The following FMNL2 variants were observed in gnomAD, a reference collection of about 807,000 sequenced individuals.
FMNL2 encodes the protein formin-like protein 2.
In FMNL2, 51 loss-of-function variants were observed where a neutral mutation model predicts 130.2. That is an observed-to-expected ratio of 0.39 (90% confidence interval 0.31 to 0.49). The LOEUF (loss-of-function observed/expected upper bound fraction) is 0.49, where lower values mean the gene tolerates loss of function less well. Among genes scored for constraint, FMNL2 ranks in the 20% least tolerant of loss-of-function variants. The pLI, the probability that FMNL2 is intolerant of heterozygous loss-of-function variation, is 0.85. For synonymous variants in FMNL2, 465 were observed against 467.1 expected, an observed-to-expected ratio of 1.00 and a Z score of 0.06; for missense variants, 977 against 1,316.2, an observed-to-expected ratio of 0.74 and a Z score of 3.99.
Position 152,590,640 on chromosome 2 carries a change from C to G in FMNL2, c.876+9591C>G, listed in dbSNP as rs145197145. ...AAAAAAAAAAAACCTGTAGGTTCAA[C>G]TATAGCTGTTCAAATAGTTATGAAG... is the stretch of plus-strand genomic sequence containing the variant. On this transcript the variant is annotated intron_variant, in intron 9 of 25. Coordinates refer to ENST00000288670, the MANE Select transcript of FMNL2 (RefSeq NM_052905.4). Among the ~76,000 whole-genome samples, 145 of 151,650 alleles carry G rather than the reference C, an allele frequency of 9.6e-4. 1 individual carries two copies. Among genetic ancestry groups the G allele is most frequent in the African/African-American group, 3.4e-3 (139 of 41,412 alleles).
intron 20 of FMNL2, among the ~76,000 whole-genome samples, chr2:152,631,266 A>T (rs911581371): frequency 6.6e-6 from 1 of 151,722 alleles, no homozygotes; most frequent in Non-Finnish European, 1.5e-5. Flanking sequence ...GGTCACAGGC[A>T]CCTGTAATCC....
chr2:152,564,776 G>GTTGTTTTTT (rs1553477787), intron 6 of FMNL2, among the ~76,000 whole-genome samples: 29 of 79,342 alleles, frequency 3.7e-4, no homozygotes, highest in Non-Finnish European at 5.9e-4. Context: ...TACAAGGTTG[G>GTTGTTTTTT]TTTTTTTTTT....
In FMNL2 at chr2:152,639,953, C is replaced by T. The variant is rs779976612; in HGVS notation, c.2947-5C>T. The T allele has an allele frequency of 6.5e-6, 10 of 1,545,910 alleles. No homozygotes were observed. The South Asian group carries it at 9.7e-5, about 15-fold the overall frequency. On this transcript the variant is annotated splice_polypyrimidine_tract_variant and splice_region_variant and intron_variant, in intron 23 of 25. Coordinates refer to ENST00000288670, the MANE Select transcript of FMNL2 (RefSeq NM_052905.4). Reference sequence around the variant, plus strand: ...TCATCTTTCTGGTTCTTTTGATTTACCCAGCAAGCAGAAGAGGAAAATGAG... The same window carrying T: ...TCATCTTTCTGGTTCTTTTGATTTATCCAGCAAGCAGAAGAGGAAAATGAG...
At chr2:152,503,252 G>T (rs922480943) in intron 1 of FMNL2, among the ~76,000 whole-genome samples, 1 of 152,222 alleles carries the variant, frequency 6.6e-6, no homozygotes, top group Admixed American at 6.5e-5. Flanking sequence ...AAGGAGTGGA[G>T]TGGAGGTCAG....
chr2:152,582,543 C>G (rs16823809), intron 9 of FMNL2, among the ~76,000 whole-genome samples: 35,962 of 152,020 alleles, frequency 0.24, 5,968 homozygotes, highest in African/African-American at 0.47. Flanking sequence ...AAATATCCAG[C>G]TTCCAAGAGA....
At chr2:152,354,603 C>T (rs1032890308) in intron 1 of FMNL2, among the ~76,000 whole-genome samples, 1 of 152,064 alleles carries the variant, frequency 6.6e-6, no homozygotes, top group Non-Finnish European at 1.5e-5. Flanking sequence ...AGGCTAGTCC[C>T]AAATCAAATA....
At chr2:152,641,426 T>C (rs973441391) in intron 25 of FMNL2, among the ~76,000 whole-genome samples, 7 of 152,254 alleles carry the variant, frequency 4.6e-5, no homozygotes, top group Non-Finnish European at 1.0e-4. Context: ...TCCTGTCTGA[T>C]TGAATTAGCA....
intron 2 of FMNL2, among the ~76,000 whole-genome samples, chr2:152,529,363 A>T (rs1040712050): frequency 2.6e-5 from 4 of 152,090 alleles, no homozygotes; most frequent in African/African-American, 9.7e-5. Flanking sequence ...TATTTTTCCC[A>T]CACCTCAGAA....
At chr2:152,646,167 A>AAAAAC (rs1553495119) in intron 25 of FMNL2, among the ~76,000 whole-genome samples, 2 of 150,138 alleles carry the variant, frequency 1.3e-5, no homozygotes, top group Non-Finnish European at 3.0e-5. Context: ...CAAAAAAAAA[A>AAAAAC]AAACAAACAA....
At chr2:152,525,421 C>T (rs138617407) in intron 2 of FMNL2, among the ~76,000 whole-genome samples, 1 of 152,294 alleles carries the variant, frequency 6.6e-6, no homozygotes, top group East Asian at 1.9e-4. Context: ...TTAGAGGTGC[C>T]ATCCCTATGC....
At chr2:152,543,750 G>C (rs1346669913) in intron 3 of FMNL2, among the ~76,000 whole-genome samples, 1 of 21,728 alleles carries the variant, frequency 4.6e-5, no homozygotes, top group Non-Finnish European at 9.4e-5. Context: ...AAAAAAAAAA[G>C]TCCAGCAAAG....
chr2:152,564,340 G>A, intron 6 of FMNL2, among the ~76,000 whole-genome samples: 1 of 151,704 alleles, frequency 6.6e-6, no homozygotes, highest in East Asian at 1.9e-4. Flanking sequence ...CTTGGCAAAA[G>A]GATTGGTTAA....
intron 1 of FMNL2, among the ~76,000 whole-genome samples, chr2:152,362,878 C>T (rs1267264713): frequency 1.3e-5 from 2 of 152,138 alleles, no homozygotes; most frequent in East Asian, 1.9e-4. Flanking sequence ...AGTGCTGATG[C>T]ATGCTACAAC....
chr2:152,393,620 G>A (rs1156754538), intron 1 of FMNL2, among the ~76,000 whole-genome samples: 1 of 152,168 alleles, frequency 6.6e-6, no homozygotes, highest in African/African-American at 2.4e-5. Context: ...TTTCCATTTG[G>A]AAGTGAAAGT....
At chr2:152,592,135 G>A (rs1300639122) in intron 9 of FMNL2, among the ~76,000 whole-genome samples, 4 of 152,124 alleles carry the variant, frequency 2.6e-5, no homozygotes, top group African/African-American at 9.7e-5. Flanking sequence ...TGATTTCCGT[G>A]CCACAGAAGT....
At chr2:152,429,137 G>A (rs540344701) in intron 1 of FMNL2, among the ~76,000 whole-genome samples, 4 of 147,554 alleles carry the variant, frequency 2.7e-5, no homozygotes, top group Admixed American at 6.9e-5. Flanking sequence ...GTTTACCTAC[G>A]TAACAAACCT....
intron 1 of FMNL2, among the ~76,000 whole-genome samples, chr2:152,487,992 C>A (rs955618973): frequency 1.4e-4 from 21 of 152,024 alleles, no homozygotes; most frequent in Admixed American, 9.8e-4. Flanking sequence ...TTCACCATGG[C>A]TGGTGTTGAA....
At chr2:152,469,255 C>T (rs775122716) in intron 1 of FMNL2, among the ~76,000 whole-genome samples, 2 of 152,176 alleles carry the variant, frequency 1.3e-5, no homozygotes, top group African/African-American at 4.8e-5. Context: ...CCTTTGCATA[C>T]GTGTCATTTC....
At chr2:152,589,802 G>A (rs1442848209) in intron 9 of FMNL2, among the ~76,000 whole-genome samples, 2 of 151,498 alleles carry the variant, frequency 1.3e-5, no homozygotes, top group East Asian at 3.9e-4. Flanking sequence ...TTCTTGGTTT[G>A]CTCTTCCTGT....
Sources: gnomAD v4.1 joint callset for allele counts (sites outside exome capture counted in the v4.1 genomes callset) on GRCh38, gnomAD v4.1.1 for gene constraint, MANE v1.5 for transcripts, NCBI Gene and HGNC (gene_info 2026-07-23, HGNC 2026-07-21) for gene names.